MRPL30: variants seen among roughly 807,000 people sequenced by gnomAD.
MRPL30 encodes large ribosomal subunit protein uL30m.
In MRPL30, 10 loss-of-function variants were observed where a neutral mutation model predicts 17.2. The ratio of observed to expected loss-of-function variants is 0.58; its 90% confidence interval spans 0.36 to 0.99. The LOEUF (loss-of-function observed/expected upper bound fraction) is 0.99. Ranked by LOEUF, MRPL30 falls within the 50% of genes least tolerant of loss-of-function variation. The pLI is 0.01. For synonymous variants in MRPL30, 61 were observed against 62.1 expected, an observed-to-expected ratio of 0.98 and a Z score of 0.08; for missense variants, 170 against 189.8, an observed-to-expected ratio of 0.90 and a Z score of 0.61.
Position 99,198,549 on chromosome 2 carries a change from A to G in MRPL30, c.*2844A>G, listed in dbSNP as rs529408334. On this transcript the variant is annotated 3_prime_UTR_variant, in exon 6 of 6. Coordinates refer to ENST00000338148, the MANE Select transcript of MRPL30 (RefSeq NM_145212.4). The stretch of plus-strand genomic sequence containing the variant: ...AGAACAAGTTGCAGTTCCTACCTAC[A>G]CTCAAGGAAGGGAGGAATTACACAG... Among the ~76,000 whole-genome samples, 25 of 152,252 alleles carry G rather than the reference A, an allele frequency of 1.6e-4. No individual in the cohort carries two copies. The highest frequency in any genetic ancestry group is 6.0e-4 in the African/African-American group (25 of 41,544).
intron 3 of MRPL30, 145 bp from the exon 4 acceptor site, chr2:99,194,606 C>T: frequency 1.4e-6 from 1 of 691,054 alleles, no homozygotes; most frequent in East Asian, 2.9e-5. Flanking sequence ...TAGAAATGTT[C>T]AATCTGAGGT....
At position 99,198,720 on chromosome 2, in the gene MRPL30, CT is replaced by C. The variant is rs943880970; in HGVS notation, c.*3017del. The stretch of plus-strand genomic sequence containing the variant: ...GGCATTCCTTTGCCTCATATCATCA[CT>C]TCAAAACCCTATAAGGGTTTGTTCC... On this transcript the variant is annotated 3_prime_UTR_variant, in exon 6 of 6. Coordinates refer to ENST00000338148, the MANE Select transcript of MRPL30 (RefSeq NM_145212.4). Among the ~76,000 whole-genome samples, 1 of 152,152 alleles carries C rather than the reference CT, an allele frequency of 6.6e-6. No individual in the cohort carries two copies. The highest frequency in any genetic ancestry group is 2.4e-5 in the African/African-American group (1 of 41,428).
At position 99,195,410 on chromosome 2, in the gene MRPL30, A is replaced by G. The variant is rs1003085731; in HGVS notation, c.354-163A>G. ...GTGATCCGATCAGGGTAATTGGCATATCCATCATCTCAGACATTTACCATT... is the reference window on the plus strand; with the variant it reads ...GTGATCCGATCAGGGTAATTGGCATGTCCATCATCTCAGACATTTACCATT... On this transcript the variant is annotated intron_variant, in intron 5 of 5. Transcript: ENST00000338148. 31 of 890,336 alleles carry G rather than the reference A, an allele frequency of 3.5e-5. No homozygotes were observed. In the Middle Eastern group the frequency reaches 7.0e-4, roughly 20 times the overall value. The allele number at this position is 890,336 out of a possible 1,614,324, so 55.2% of individuals were successfully genotyped here.
rs2093956906 is a variant in MRPL30, at chr2:99,197,552, A to G, written c.*1847A>G. The G allele has an allele frequency of 6.6e-6, 1 of 152,262 alleles. No individual in the cohort carries two copies. 9.4% of individuals were successfully genotyped at this position (152,262 alleles called of 1,614,324 possible). A position where few individuals can be genotyped will look rare whatever the true frequency, so the allele number is the denominator to read the frequency against. ...GTTGGAGAGAAACCTGTGTGCCACA[A>G]CATACAGTGTCCTTGCTTATGTGGG... On this transcript the variant is annotated 3_prime_UTR_variant, in exon 6 of 6. Coordinates refer to ENST00000338148, the MANE Select transcript of MRPL30 (RefSeq NM_145212.4).
At chr2:99,188,093 G>T in intron 2 of MRPL30, 84 bp from the exon 3 acceptor site, 1 of 1,014,824 alleles carries the variant, frequency 9.9e-7, no homozygotes, top group South Asian at 1.6e-5. Flanking sequence ...GGTTGGAACA[G>T]ACTTCTGTTA....
chr2:99,186,219 C>T lies in MRPL30; in HGVS notation c.16C>T (p.Arg6Cys), dbSNP rs762612713. 17 of 1,613,876 alleles carry T rather than the reference C, an allele frequency of 1.1e-5. No homozygotes were observed. The highest frequency in any genetic ancestry group is 6.6e-5 in the South Asian group (6 of 91,078). ...CACTACACTTATGGCTGGGATTTTG[C>T]GCTTAGTAGTTCAATGGCCCCCAGG... is the stretch of plus-strand genomic sequence containing the variant. The part of the protein sequence containing the change: MAGIL[R>C]LVVQWPPGRL... The change falls in exon 2 of 6, where the codon CGC (arginine) becomes TGC (cysteine). Residue 6 changes from arginine (R) to cysteine (C), a missense_variant. By Grantham distance (180) the Arg-to-Cys change is radical. Transcript: ENST00000338148.
chr2:99,190,568 A>T (rs758628602), intron 3 of MRPL30, among the ~76,000 whole-genome samples: 31 of 151,728 alleles, frequency 2.0e-4, no homozygotes, highest in Admixed American at 6.6e-4. Flanking sequence ...AAAACAAAAT[A>T]AAGAAATCTT....
rs1393635532 is a variant in MRPL30, at chr2:99,195,699, G to A, written c.480G>A (p.Glu160=). 1 of 1,612,000 alleles carries A rather than the reference G, an allele frequency of 6.2e-7. No individual in the cohort carries two copies. The highest frequency in any genetic ancestry group is 8.5e-7 in the Non-Finnish European group (1 of 1,179,500). ...HLKPVEQKAH[E]S is the part of the protein sequence containing the mutation. Reference sequence around the variant, plus strand: ...AACCTGTGGAGCAGAAAGCACATGAGTCCTAATGCCCCAGCAGCTTCCGAT... The same window carrying A: ...AACCTGTGGAGCAGAAAGCACATGAATCCTAATGCCCCAGCAGCTTCCGAT... The change falls in exon 6 of 6, where the codon GAG becomes GAA. Residue 160 remains glutamate (E), a synonymous_variant. Transcript: ENST00000338148.
chr2:99,193,089 T>G (rs1319455947), intron 3 of MRPL30, among the ~76,000 whole-genome samples: 1 of 151,828 alleles, frequency 6.6e-6, no homozygotes, highest in African/African-American at 2.4e-5. Flanking sequence ...CTGACAAAGG[T>G]CTAATATCCA....
intron 1 of MRPL30, chr2:99,185,699 G>A: frequency 2.6e-6 from 1 of 383,050 alleles, no homozygotes; most frequent in Non-Finnish European, 5.4e-6. Context: ...TTAGGAGAAT[G>A]GGGTTCCAGA....
Position 99,195,822 on chromosome 2 carries a change from C to T in MRPL30, c.*117C>T. On this transcript the variant is annotated 3_prime_UTR_variant, in exon 6 of 6. Coordinates refer to ENST00000338148, the MANE Select transcript of MRPL30 (RefSeq NM_145212.4). ...TTTCAGGCCGGGCACGGTGGCTCAC[C>T]TGTAATCCCAGCACTTTGGGAGGCC... The T allele has an allele frequency of 6.7e-7, 1 of 1,485,346 alleles. No homozygotes were observed. Among genetic ancestry groups the T allele is most frequent in the Non-Finnish European group, 9.1e-7 (1 of 1,104,432 alleles). 92.0% of individuals were successfully genotyped at this position (1,485,346 alleles called of 1,614,324 possible). A position where few individuals can be genotyped will look rare whatever the true frequency, so the allele number is the denominator to read the frequency against.
intron 5 of MRPL30, 117 bp downstream of exon 5, chr2:99,195,306 T>C: frequency 9.8e-7 from 1 of 1,021,444 alleles, no homozygotes; most frequent in South Asian, 1.8e-5. Flanking sequence ...AAATTTTATT[T>C]TGTTTTTTTT....
chr2:99,196,731 G>T lies in MRPL30; in HGVS notation c.*1026G>T, dbSNP rs1447381883. The stretch of plus-strand genomic sequence containing the variant: ...TGGTCCCCACCTTTTGGAGCTTACA[G>T]TCTGTTCTGGGGAACAGAGATTCAG... On this transcript the variant is annotated 3_prime_UTR_variant, in exon 6 of 6. Coordinates refer to ENST00000338148, the MANE Select transcript of MRPL30 (RefSeq NM_145212.4). The T allele has an allele frequency of 6.6e-6, 1 of 152,256 alleles. No homozygotes were observed. Among genetic ancestry groups the T allele is most frequent in the Admixed American group, 6.5e-5 (1 of 15,282 alleles). 9.4% of individuals were successfully genotyped at this position (152,256 alleles called of 1,614,324 possible).
At chr2:99,187,744 C>T (rs375659002) in intron 2 of MRPL30, among the ~76,000 whole-genome samples, 2 of 151,864 alleles carry the variant, frequency 1.3e-5, no homozygotes, top group Admixed American at 6.6e-5. Context: ...AAGAGAATGG[C>T]GTGAACCCAG....
At chr2:99,190,707 T>C (rs1349374452) in intron 3 of MRPL30, among the ~76,000 whole-genome samples, 1 of 152,210 alleles carries the variant, frequency 6.6e-6, no homozygotes, top group African/African-American at 2.4e-5. Context: ...ATTTAAAATA[T>C]GCAAGGCTAG....
At chr2:99,185,681 C>A in intron 1 of MRPL30, 3 of 329,204 alleles carry the variant, frequency 9.1e-6, no homozygotes, top group South Asian at 4.5e-5. Context: ...AATGCACTTG[C>A]CTAGGAATTA....
At chr2:99,182,583 A>G (rs1178027378) in intron 1 of MRPL30, among the ~76,000 whole-genome samples, 1 of 152,216 alleles carries the variant, frequency 6.6e-6, no homozygotes, top group Non-Finnish European at 1.5e-5. Context: ...AAATAAACGT[A>G]TTCTTTGAGT....
chr2:99,183,926 T>C (rs1317936550), intron 1 of MRPL30, among the ~76,000 whole-genome samples: 1 of 152,218 alleles, frequency 6.6e-6, no homozygotes, highest in Non-Finnish European at 1.5e-5. Context: ...TCTCAGACTT[T>C]CCTTGTTTTT....
At position 99,196,101 on chromosome 2, in the gene MRPL30, T is replaced by G; in HGVS notation, c.*396T>G. On this transcript the variant is annotated 3_prime_UTR_variant, in exon 6 of 6. Transcript: ENST00000338148. ...ATCTCAGGGGAAAAAAAAAAATTTTTTTTTCACTGACTAAACCTGCTGCAG... is the reference window on the plus strand; with the variant it reads ...ATCTCAGGGGAAAAAAAAAAATTTTGTTTTCACTGACTAAACCTGCTGCAG... The G allele has an allele frequency of 5.3e-6, 1 of 189,618 alleles. No homozygotes were observed. Among genetic ancestry groups the G allele is most frequent in the Non-Finnish European group, 1.1e-5 (1 of 92,550 alleles). 11.7% of individuals were successfully genotyped at this position (189,618 alleles called of 1,614,324 possible).
Sources: allele counts gnomAD v4.1 joint callset (sites outside exome capture counted in the v4.1 genomes callset), GRCh38; gene constraint gnomAD v4.1.1; transcripts MANE v1.5; gene names NCBI Gene and HGNC (gene_info 2026-07-23, HGNC 2026-07-21).